Variants in CDKN2A observed in about 807,000 individuals in gnomAD.
CDKN2A encodes cyclin dependent kinase inhibitor 2A.
A neutral mutation model predicts 11.1 loss-of-function variants in CDKN2A; 3 were observed. The observed-to-expected ratio is 0.27, with a 90% CI of 0.12 to 0.70. The LOEUF (loss-of-function observed/expected upper bound fraction) is 0.70. CDKN2A is among the 30% of genes least tolerant of loss of function. The pLI, the probability that CDKN2A is intolerant of heterozygous loss-of-function variation, is 0.77. For missense variants in CDKN2A, 265 were observed against 233.6 expected, an observed-to-expected ratio of 1.13 and a Z score of -0.88; for synonymous variants, 122 against 108.1, an observed-to-expected ratio of 1.13 and a Z score of -0.80.
At chr9:21,990,058 G>C (rs192185734) in intron 2 of CDKN2A, 1 of 152,872 alleles carries the variant, frequency 6.5e-6, no homozygotes, top group Admixed American at 6.5e-5. Flanking sequence ...CCGGGCGGGC[G>C]CTCTTTCGGG....
In CDKN2A at chr9:21,974,632, A is replaced by G. The variant is rs138424891; in HGVS notation, c.150+46T>C. The G allele has an allele frequency of 6.2e-7, 1 of 1,614,176 alleles. No homozygotes were observed. Among genetic ancestry groups the G allele is most frequent in the Non-Finnish European group, 8.5e-7 (1 of 1,180,030 alleles). ...AATTCCCCTGCAAACTTCGTCCTCC[A>G]GAGTCGCCCGCCATCCCCTGCTCCC... On this transcript the variant is annotated intron_variant, in intron 1 of 2. Coordinates refer to ENST00000304494, the MANE Select transcript of CDKN2A (RefSeq NM_000077.5). This position sits in a 1 kb window ranked among gnomAD's most constrained non-coding sequence, Gnocchi z 5.2.
At position 21,968,863 on chromosome 9, in the gene CDKN2A, G is replaced by T; in HGVS notation, c.458-621C>A. 2 of 1,272,420 alleles carry T rather than the reference G, an allele frequency of 1.6e-6. No homozygotes were observed. The highest frequency in any genetic ancestry group is 2.2e-6 in the Non-Finnish European group (2 of 906,834). 78.8% of individuals were successfully genotyped at this position (1,272,420 alleles called of 1,614,324 possible). On this transcript the variant is annotated intron_variant, in intron 2 of 2. Coordinates refer to ENST00000304494, the MANE Select transcript of CDKN2A (RefSeq NM_000077.5). This position sits in a 1 kb window ranked among gnomAD's most constrained non-coding sequence, Gnocchi z 4.7. Reference sequence around the variant, plus strand: ...CGTATGGGCTCCAGCTCGCCGTTCGGTTCTCCCGAGGCAGCATTTACACTT... The same window carrying T: ...CGTATGGGCTCCAGCTCGCCGTTCGTTTCTCCCGAGGCAGCATTTACACTT...
intron 1 of CDKN2A, 184 bp from the exon 2 acceptor site, chr9:21,971,392 A>T (rs1819740909): frequency 1.4e-6 from 2 of 1,456,892 alleles, no homozygotes; most frequent in African/African-American, 2.8e-5. Flanking sequence ...TCAGTACACA[A>T]TGAATTCCAT....
intron 2 of CDKN2A, chr9:21,970,613 G>C (rs754171877): frequency 2.7e-5 from 16 of 599,328 alleles, no homozygotes; most frequent in South Asian, 4.0e-5. Flanking sequence ...TTGCTCCGCA[G>C]TCTAGGCCTT....
rs891821717 is a variant in CDKN2A, at chr9:21,968,425, A to T, written c.458-183T>A. On this transcript the variant is annotated intron_variant, in intron 2 of 2. Transcript: ENST00000304494. This position sits in a 1 kb window ranked among gnomAD's most constrained non-coding sequence, Gnocchi z 4.7. The stretch of plus-strand genomic sequence containing the variant: ...CCCACACCTCCCTGGTCCAGCAGCT[A>T]GTCCACTGCCCGCCTGGCTGCTCCA... 1.3e-6 allele frequency: 2 copies of T among 1,508,958 alleles called. No individual in the cohort carries two copies. The highest frequency in any genetic ancestry group is 1.8e-6 in the Non-Finnish European group (2 of 1,129,422). The allele number at this position is 1,508,958 out of a possible 1,614,324, so 93.5% of individuals were successfully genotyped here.
exon 2 of CDKN2A, chr9:21,993,991 G>A (rs1324602000): frequency 5.9e-6 from 5 of 843,338 alleles, no homozygotes. Flanking sequence ...ACATGTCTAA[G>A]TCGTTGTAAC....
upstream of CDKN2A, among the ~76,000 whole-genome samples, chr9:21,979,772 G>A (rs1466423351): frequency 6.6e-6 from 1 of 152,128 alleles, no homozygotes; most frequent in Non-Finnish European, 1.5e-5. Context: ...CTTTTGTTTT[G>A]TTCTTTAAAA....
intron 1 of CDKN2A, chr9:21,994,624 G>A (rs2131150415): frequency 2.1e-6 from 1 of 470,472 alleles, no homozygotes; most frequent in Non-Finnish European, 3.5e-6. Context: ...AGGCGCGCGC[G>A]CGGGCGGCTC....
rs2131147849 is a variant in CDKN2A, at chr9:21,994,119, T to C, written c.-175-66A>G. On this transcript the variant is annotated intron_variant, in intron 1 of 3. Transcript: ENST00000494262. ...AACAAGTGCCGAATGCGCCCCGGACTTTTCGAGGGCCTTTCCTACCTGGTC... is the reference window on the plus strand; with the variant it reads ...AACAAGTGCCGAATGCGCCCCGGACCTTTCGAGGGCCTTTCCTACCTGGTC... 6.3e-7 allele frequency: 1 copy of C among 1,598,950 alleles called. No individual in the cohort carries two copies. The highest frequency in any genetic ancestry group is 8.5e-7 in the Non-Finnish European group (1 of 1,179,292).
rs749753811 is a variant in CDKN2A at position 21,968,232 on chromosome 9, A to G, written c.468T>C (p.Asp156=). 2.5e-6 allele frequency: 4 copies of G among 1,613,902 alleles called. No homozygotes were observed. The highest frequency in any genetic ancestry group is 2.2e-5 in the South Asian group (2 of 91,082). ...TCTCAGAGCCTCTCTGGTTCTTTCA[A>G]TCGGGGATGTCTGCAGAGGGCAGAA... ...DAAEGPSDIP[D] The change falls in exon 3 of 3, where the codon GAT becomes GAC. Residue 156 remains aspartate (D), a synonymous_variant. Coordinates refer to ENST00000304494, the MANE Select transcript of CDKN2A (RefSeq NM_000077.5). The surrounding 1 kb of genome is among the most constrained non-coding windows in gnomAD (Gnocchi z 4.7).
chr9:21,993,987 C>CT (rs1341159619), exon 2 of CDKN2A: 2 of 821,510 alleles, frequency 2.4e-6, no homozygotes, highest in African/African-American at 1.7e-5. Context: ...AACCACATGT[C>CT]TAAGTCGTTG....
In CDKN2A at chr9:21,974,465, G is replaced by A. The variant is rs2131109215; in HGVS notation, c.150+213C>T. 6.2e-7 allele frequency: 1 copy of A among 1,611,366 alleles called. No homozygotes were observed. The highest frequency in any genetic ancestry group is 8.5e-7 in the Non-Finnish European group (1 of 1,179,098). On this transcript the variant is annotated intron_variant, in intron 1 of 2. Transcript: ENST00000304494. The surrounding 1 kb of genome is among the most constrained non-coding windows in gnomAD (Gnocchi z 5.2). ...TTCTCAGCATTCGAGAGATCTGTAC[G>A]CGCGTGGCTCCTCATTCCTCTTCCT...
At chr9:21,990,083 AC>A in intron 2 of CDKN2A, 1 of 152,394 alleles carries the variant, frequency 6.6e-6, no homozygotes, top group Non-Finnish European at 1.5e-5. Flanking sequence ...GGGCCCTTGC[AC>A]CCCCAGCGTG....
upstream of CDKN2A, among the ~76,000 whole-genome samples, chr9:21,977,104 A>G (rs1587343675): frequency 6.6e-6 from 1 of 152,234 alleles, no homozygotes; most frequent in East Asian, 1.9e-4. Flanking sequence ...AATGAAGCCA[A>G]TGAAAACAAT....
intron 2 of CDKN2A, among the ~76,000 whole-genome samples, chr9:21,990,650 G>GAGAGAGAGAGAGAGAGAGAGAGAGAA: frequency 6.7e-6 from 1 of 149,728 alleles, no homozygotes. Context: ...GAGAGAGAGA[G>GAGAGAGAGAGAGAGAGAGAGAGAGAA]AAACTGTTTA....
At position 21,991,886 on chromosome 9, in the gene CDKN2A, A is replaced by T; in HGVS notation, c.-4+1996T>A. The T allele has an allele frequency of 2.0e-6, 2 of 985,326 alleles. No individual in the cohort carries two copies. Among genetic ancestry groups the T allele is most frequent in the Non-Finnish European group, 2.4e-6 (2 of 829,822 alleles). 61.0% of individuals were successfully genotyped at this position (985,326 alleles called of 1,614,324 possible). On this transcript the variant is annotated intron_variant, in intron 2 of 3. Coordinates refer to the CDKN2A transcript ENST00000494262. The surrounding 1 kb of genome is among the most constrained non-coding windows in gnomAD (Gnocchi z 5.2). ...GGTTTATACTAACTGCACAGTGCTT[A>T]CCTTGAGAGGACTCTGTGCTATTAA...
At chr9:21,992,740 T>A in intron 2 of CDKN2A, among the ~76,000 whole-genome samples, 1 of 151,788 alleles carries the variant, frequency 6.6e-6, no homozygotes, top group East Asian at 1.9e-4. Flanking sequence ...TTAACTAGAG[T>A]AATAAATATT....
rs1820537912 is a variant in CDKN2A, at chr9:21,994,324, C to T, written c.-175-271G>A. ...AATCCGGAGGGTCACCAAGAACCTG[C>T]GCACCATGTTCTCGCCGCCTCCAGG... On this transcript the variant is annotated intron_variant, in intron 1 of 3. Transcript: ENST00000494262. 3 of 1,606,364 alleles carry T rather than the reference C, an allele frequency of 1.9e-6. No individual in the cohort carries two copies. In the East Asian group the frequency reaches 6.7e-5, roughly 36 times the overall value.
rs1257262035 is a variant in CDKN2A at position 21,991,199 on chromosome 9, G to C, written c.-4+2683C>G. 1.3e-5 allele frequency among the ~76,000 whole-genome samples: 2 copies of C among 152,168 alleles called. No homozygotes were observed. Among genetic ancestry groups the C allele is most frequent in the Non-Finnish European group, 2.9e-5 (2 of 68,040 alleles). On this transcript the variant is annotated intron_variant, in intron 2 of 3. Coordinates refer to the CDKN2A transcript ENST00000494262. This position sits in a 1 kb window ranked among gnomAD's most constrained non-coding sequence, Gnocchi z 5.2. ...GCAGCAGATGGAGGAGCTAGGGCAA[G>C]CTTGTCCAACCTGTGGGCCCGAGGG...
Sources: allele counts gnomAD v4.1 joint callset (sites outside exome capture counted in the v4.1 genomes callset), GRCh38; gene constraint gnomAD v4.1.1; non-coding constraint Gnocchi (gnomAD v3.1); transcripts MANE v1.5; gene names NCBI Gene and HGNC (gene_info 2026-07-23, HGNC 2026-07-21).